Variants in WWOX observed in about 807,000 individuals in gnomAD.
The protein encoded by WWOX is WW domain containing oxidoreductase.
WWOX carries 69 observed loss-of-function variants against 46.2 expected under a neutral mutation model. The observed-to-expected ratio is 1.49, with a 90% confidence interval of 1.23 to 1.82. WWOX has a LOEUF of 1.82. Ranked by LOEUF, WWOX falls within the 40% of genes most tolerant of loss-of-function variation. WWOX has a pLI of 0.00. For missense variants in WWOX, 919 were observed against 542.6 expected, an observed-to-expected ratio of 1.69 and a Z score of -6.89; for synonymous variants, 359 against 202.6, an observed-to-expected ratio of 1.77 and a Z score of -6.56.
intron 8 of WWOX, among the ~76,000 whole-genome samples, chr16:78,865,924 C>G (rs957654520): frequency 2.0e-5 from 3 of 152,116 alleles, no homozygotes; most frequent in East Asian, 1.9e-4. Flanking sequence ...AGTTACTCAA[C>G]AAATCATATC....
At chr16:78,953,251 T>C (rs75726262) in intron 8 of WWOX, among the ~76,000 whole-genome samples, 5,624 of 148,364 alleles carry the variant, frequency 0.038, 367 homozygotes, top group African/African-American at 0.13. Context: ...TTGGTCTATA[T>C]AGGATAATAG....
Position 79,159,403 on chromosome 16 carries a change from A to G in WWOX, c.1057-52205A>G, listed in dbSNP as rs899853172. Among the ~76,000 whole-genome samples the G allele has an allele frequency of 5.3e-5, 8 of 152,310 alleles. No individual in the cohort carries two copies. The South Asian group carries it at 1.2e-3, about 24-fold the overall frequency. Reference sequence around the variant, plus strand: ...GAATGGCATGTCATTTTCTAATGCAATTTGCCTCTCAGGCAGCCAGGGTCA... The same window carrying G: ...GAATGGCATGTCATTTTCTAATGCAGTTTGCCTCTCAGGCAGCCAGGGTCA... On this transcript the variant is annotated intron_variant, in intron 8 of 8. Transcript: ENST00000566780.
chr16:78,947,381 C>A (rs891306434), intron 8 of WWOX, among the ~76,000 whole-genome samples: 3 of 151,358 alleles, frequency 2.0e-5, no homozygotes, highest in Admixed American at 6.6e-5. Flanking sequence ...TCTTCCCCCC[C>A]TTAGCTGTAT....
At chr16:78,634,833 AGAGAGTGTGTGTGTGT>A (rs1170225480) in intron 8 of WWOX, among the ~76,000 whole-genome samples, 1 of 111,278 alleles carries the variant, frequency 9.0e-6, no homozygotes, top group Admixed American at 8.6e-5. Context: ...AGAGAGAGAG[AGAGAGTGTGTGTGTGT>A]GTGTGTGTGT....
intron 5 of WWOX, among the ~76,000 whole-genome samples, chr16:78,212,917 C>T (rs779935403): frequency 2.0e-5 from 3 of 152,074 alleles, no homozygotes; most frequent in Admixed American, 6.6e-5. Flanking sequence ...ATTTCCCATT[C>T]GTGATATCTG....
chr16:78,514,133 T>C (rs1021264423), intron 8 of WWOX, among the ~76,000 whole-genome samples: 11 of 152,196 alleles, frequency 7.2e-5, no homozygotes, highest in South Asian at 2.1e-4. Flanking sequence ...ACTTTCTCTA[T>C]AGAGGCTTCA....
At chr16:78,385,100 C>T (rs945015062) in intron 5 of WWOX, among the ~76,000 whole-genome samples, 24 of 145,792 alleles carry the variant, frequency 1.6e-4, no homozygotes, top group African/African-American at 5.5e-4. Flanking sequence ...TGCCACTGCA[C>T]TTCAGCCTGG....
intron 5 of WWOX, among the ~76,000 whole-genome samples, chr16:78,202,324 C>G (rs1378374756): frequency 6.6e-6 from 1 of 152,214 alleles, no homozygotes; most frequent in Non-Finnish European, 1.5e-5. Context: ...GGGTGGTTCT[C>G]CAAACCCTTG....
intron 8 of WWOX, among the ~76,000 whole-genome samples, chr16:78,787,155 A>G (rs1250379202): frequency 6.6e-6 from 1 of 152,204 alleles, no homozygotes. Flanking sequence ...CTCAAAAACA[A>G]AAATAAAACA....
At chr16:79,074,118 C>A (rs1473178439) in intron 8 of WWOX, among the ~76,000 whole-genome samples, 1 of 152,056 alleles carries the variant, frequency 6.6e-6, no homozygotes, top group Non-Finnish European at 1.5e-5. Context: ...TACCGGCTGA[C>A]TAGAATGTTG....
chr16:78,370,788 TGGG>T (rs58327362), intron 5 of WWOX, among the ~76,000 whole-genome samples: 28,350 of 124,514 alleles, frequency 0.23, 4,132 homozygotes, highest in African/African-American at 0.4. Flanking sequence ...CTTTTTTTTT[TGGG>T]GGGGGGGGGG....
At chr16:78,438,919 A>C (rs2083388884) in intron 8 of WWOX, among the ~76,000 whole-genome samples, 2 of 152,206 alleles carry the variant, frequency 1.3e-5, no homozygotes, top group South Asian at 2.1e-4. Context: ...CAAACGGGGT[A>C]ATTCTGCCCT....
intron 8 of WWOX, among the ~76,000 whole-genome samples, chr16:79,109,579 G>A (rs1020814536): frequency 1.3e-5 from 2 of 152,150 alleles, no homozygotes; most frequent in African/African-American, 2.4e-5. Flanking sequence ...GCAATGTAAG[G>A]CAGGCATAAA....
intron 8 of WWOX, among the ~76,000 whole-genome samples, chr16:78,873,739 T>C (rs1423191126): frequency 6.6e-6 from 1 of 152,080 alleles, no homozygotes; most frequent in African/African-American, 2.4e-5. Flanking sequence ...CAGAGAGCTG[T>C]TATTGTACCA....
At chr16:78,819,858 A>G (rs1196423772) in intron 8 of WWOX, among the ~76,000 whole-genome samples, 4 of 152,216 alleles carry the variant, frequency 2.6e-5, no homozygotes, top group Non-Finnish European at 1.5e-5. Flanking sequence ...ACTTGCACTC[A>G]GTCTTCTTTG....
chr16:79,064,409 A>C (rs955395439), intron 8 of WWOX, among the ~76,000 whole-genome samples: 1 of 152,196 alleles, frequency 6.6e-6, no homozygotes, highest in Non-Finnish European at 1.5e-5. Flanking sequence ...GGTTATTTTG[A>C]AGATTAAATG....
chr16:78,691,648 C>A (rs2047990291), intron 8 of WWOX, among the ~76,000 whole-genome samples: 1 of 152,108 alleles, frequency 6.6e-6, no homozygotes, highest in African/African-American at 2.4e-5. Context: ...GTTGAGAGTG[C>A]AGTGAGCCGT....
chr16:79,195,222 G>T (rs569345932), intron 8 of WWOX, among the ~76,000 whole-genome samples: 2 of 152,238 alleles, frequency 1.3e-5, no homozygotes, highest in East Asian at 3.9e-4. Context: ...AGATTGGCAT[G>T]TAGGAAGATT....
chr16:78,664,895 A>G (rs981483667), intron 8 of WWOX, among the ~76,000 whole-genome samples: 1 of 152,244 alleles, frequency 6.6e-6, no homozygotes, highest in African/African-American at 2.4e-5. Flanking sequence ...ATGAATAGGC[A>G]CTTACAATGT....
Sources: gnomAD v4.1 joint callset for allele counts (sites outside exome capture counted in the v4.1 genomes callset) on GRCh38, gnomAD v4.1.1 for gene constraint, MANE v1.5 for transcripts, NCBI Gene and HGNC (gene_info 2026-07-23, HGNC 2026-07-21) for gene names.